TAFA1: variants seen among roughly 807,000 people sequenced by gnomAD.
The protein encoded by TAFA1 is TAFA chemokine like family member 1.
Under a neutral mutation model 18.5 loss-of-function variants are expected in TAFA1, and 4 were observed. The observed-to-expected ratio is 0.22, with a 90% CI of 0.11 to 0.49. TAFA1 has a LOEUF of 0.49. Ranked by LOEUF, TAFA1 falls within the 20% of genes least tolerant of loss-of-function variation. The pLI is 0.98. For synonymous variants in TAFA1, 56 were observed against 55.2 expected (o/e 1.01, Z -0.06); for missense variants, 147 against 169.0 (o/e 0.87, Z 0.72).
At chr3:68,107,690 T>C (rs529556594) in intron 2 of TAFA1, among the ~76,000 whole-genome samples, 1 of 152,288 alleles carries the variant, frequency 6.6e-6, no homozygotes, top group African/African-American at 2.4e-5. Context: ...ATATCTTTTA[T>C]GAGACTAAAG....
In TAFA1 at chr3:68,131,370, G is replaced by T. The variant is rs747467225; in HGVS notation, c.118+124626G>T. 2.6e-4 allele frequency among the ~76,000 whole-genome samples: 39 copies of T among 152,152 alleles called. 1 individual carries two copies. Among genetic ancestry groups the T allele is most frequent in the Non-Finnish European group, 5.1e-4 (35 of 68,030 alleles). ...GAGGAGAGCTGGTCTCTAAGGTGCTGTCAGAGCTGTTTAGGCTGGCCAATT... is the reference window on the plus strand; with the variant it reads ...GAGGAGAGCTGGTCTCTAAGGTGCTTTCAGAGCTGTTTAGGCTGGCCAATT... On this transcript the variant is annotated intron_variant, in intron 2 of 4. Transcript: ENST00000478136.
At chr3:68,350,440 T>C (rs2069245840) in intron 2 of TAFA1, among the ~76,000 whole-genome samples, 2 of 152,106 alleles carry the variant, frequency 1.3e-5, no homozygotes, top group Admixed American at 1.3e-4. Context: ...TGCAGTAGAA[T>C]CATGAGGGAT....
intron 2 of TAFA1, among the ~76,000 whole-genome samples, chr3:68,277,219 T>G (rs1331903327): frequency 6.6e-6 from 1 of 152,182 alleles, no homozygotes; most frequent in Non-Finnish European, 1.5e-5. Flanking sequence ...GATAGTTCAG[T>G]AATGCTTTGG....
chr3:68,120,163 C>CTT (rs2065372133), intron 2 of TAFA1, among the ~76,000 whole-genome samples: 1 of 138,864 alleles, frequency 7.2e-6, no homozygotes, highest in African/African-American at 3.3e-5. Flanking sequence ...CTTTCTTTCT[C>CTT]TTTCTTTCTC....
At chr3:68,060,798 T>C (rs1027585623) in intron 2 of TAFA1, among the ~76,000 whole-genome samples, 1 of 152,148 alleles carries the variant, frequency 6.6e-6, no homozygotes, top group Admixed American at 6.5e-5. Flanking sequence ...TATTGAGCAA[T>C]ATTTCTTCTT....
intron 3 of TAFA1, among the ~76,000 whole-genome samples, chr3:68,427,809 G>T (rs536911852): frequency 6.6e-6 from 1 of 151,966 alleles, no homozygotes; most frequent in Non-Finnish European, 1.5e-5. Flanking sequence ...ATGGGGGCAG[G>T]TTTTCCCATG....
intron 2 of TAFA1, among the ~76,000 whole-genome samples, chr3:68,079,741 T>C (rs1411294541): frequency 2.6e-5 from 4 of 152,196 alleles, no homozygotes; most frequent in Non-Finnish European, 4.4e-5. Flanking sequence ...AAGTATGTGG[T>C]CAATTTTGGA....
intron 4 of TAFA1, among the ~76,000 whole-genome samples, chr3:68,540,884 A>T (rs1263034392): frequency 6.6e-6 from 1 of 152,212 alleles, no homozygotes; most frequent in African/African-American, 2.4e-5. Context: ...TAAAACCATC[A>T]GGCATGTTGC....
At chr3:68,176,467 G>A (rs1346321236) in intron 2 of TAFA1, among the ~76,000 whole-genome samples, 1 of 152,186 alleles carries the variant, frequency 6.6e-6, no homozygotes, top group African/African-American at 2.4e-5. Context: ...GGGTGACAGA[G>A]TGAGACTCCA....
At chr3:68,231,421 C>T (rs1048366706) in intron 2 of TAFA1, among the ~76,000 whole-genome samples, 57 of 127,514 alleles carry the variant, frequency 4.5e-4, no homozygotes, top group African/African-American at 1.5e-3. Flanking sequence ...ACTGCAGTGG[C>T]GCAATCTCGG....
At chr3:68,140,969 G>A (rs151117636) in intron 2 of TAFA1, among the ~76,000 whole-genome samples, 4 of 152,244 alleles carry the variant, frequency 2.6e-5, no homozygotes, top group African/African-American at 7.2e-5. Flanking sequence ...ACTTCAATGA[G>A]CTTAAAAAGA....
chr3:68,301,162 T>C (rs1205688367), intron 2 of TAFA1, among the ~76,000 whole-genome samples: 1 of 152,224 alleles, frequency 6.6e-6, no homozygotes, highest in Non-Finnish European at 1.5e-5. Context: ...CAATTTATAC[T>C]GTTCCCTGTC....
At chr3:68,324,657 A>T (rs2068749431) in intron 2 of TAFA1, among the ~76,000 whole-genome samples, 1 of 152,200 alleles carries the variant, frequency 6.6e-6, no homozygotes, top group African/African-American at 2.4e-5. Context: ...CACAAAGGTC[A>T]CATAATTAGT....
chr3:68,281,894 A>T (rs888847640), intron 2 of TAFA1, among the ~76,000 whole-genome samples: 1 of 152,156 alleles, frequency 6.6e-6, no homozygotes, highest in African/African-American at 2.4e-5. Flanking sequence ...TCATTGTTTT[A>T]GTCCATTCTC....
intron 2 of TAFA1, among the ~76,000 whole-genome samples, chr3:68,170,215 A>G (rs372212282): frequency 5.1e-4 from 78 of 152,312 alleles, no homozygotes; most frequent in African/African-American, 1.7e-3. Context: ...GGTACTTGTT[A>G]GAAACCAACA....
chr3:68,390,760 G>A (rs539679135), intron 2 of TAFA1, among the ~76,000 whole-genome samples: 2 of 152,292 alleles, frequency 1.3e-5, no homozygotes, highest in Admixed American at 6.5e-5. Context: ...TGCAGAAGAG[G>A]GATCTGACTG....
intron 2 of TAFA1, among the ~76,000 whole-genome samples, chr3:68,206,378 T>A (rs771215548): frequency 5.3e-5 from 8 of 151,924 alleles, no homozygotes; most frequent in Admixed American, 6.6e-5. Flanking sequence ...CTCTCTTTAA[T>A]ATGTCTCTGA....
At chr3:68,348,889 A>G (rs182708291) in intron 2 of TAFA1, among the ~76,000 whole-genome samples, 75 of 152,132 alleles carry the variant, frequency 4.9e-4, no homozygotes, top group African/African-American at 1.8e-3. Flanking sequence ...GATTCATATT[A>G]AAGAGGGGGT....
chr3:68,521,856 G>GGTTTTT (rs2073029475), intron 3 of TAFA1, among the ~76,000 whole-genome samples: 1 of 70,848 alleles, frequency 1.4e-5, no homozygotes, highest in South Asian at 7.5e-4. Context: ...GTTTTTTTCT[G>GGTTTTT]TTTTTTTTTT....
Sources: allele counts gnomAD v4.1 joint callset (sites outside exome capture counted in the v4.1 genomes callset), GRCh38; gene constraint gnomAD v4.1.1; transcripts MANE v1.5; gene names NCBI Gene and HGNC (gene_info 2026-07-23, HGNC 2026-07-21).